The following PSIP1 variants were observed in gnomAD, a reference collection of about 807,000 sequenced individuals.
PSIP1 encodes PC4 and SRSF1 interacting protein 1.
PSIP1 carries 19 observed loss-of-function variants against 74.7 expected under a neutral mutation model. The observed-to-expected ratio is 0.25, with a 90% confidence interval of 0.18 to 0.37. PSIP1 has a LOEUF of 0.37. PSIP1 is among the 10% of genes least tolerant of loss of function. The probability of loss-of-function intolerance (pLI) is 1.00; values close to 1 mark genes in which losing one functional copy is unlikely to be tolerated. For synonymous variants in PSIP1, 222 were observed against 195.3 expected (o/e 1.14, Z -1.14); for missense variants, 601 against 614.3 (o/e 0.98, Z 0.23).
At chr9:15,497,224 G>C (rs934218904) in intron 3 of PSIP1, among the ~76,000 whole-genome samples, 1 of 151,524 alleles carries the variant, frequency 6.6e-6, no homozygotes, top group Non-Finnish European at 1.5e-5. Context: ...AAGTAGAGTA[G>C]TAATGTACTA....
chr9:15,465,634 GA>G, intron 15 of PSIP1, 54 bp from the exon 16 acceptor site: 9 of 1,398,476 alleles, frequency 6.4e-6, no homozygotes, highest in South Asian at 2.5e-5. Flanking sequence ...CCTGATGAAG[GA>G]AAAAAAGACA....
intron 3 of PSIP1, among the ~76,000 whole-genome samples, chr9:15,493,861 C>T (rs568696108): frequency 5.9e-5 from 9 of 152,112 alleles, no homozygotes; most frequent in African/African-American, 1.7e-4. Context: ...TATTACAATT[C>T]GAGGTGTAAT....
chr9:15,465,184 G>A lies in PSIP1; in HGVS notation c.*336C>T, dbSNP rs2035534699. The A allele has an allele frequency of 1.2e-5, 3 of 252,848 alleles. No individual in the cohort carries two copies. The highest frequency in any genetic ancestry group is 1.5e-5 in the Non-Finnish European group (2 of 131,878). 15.7% of individuals were successfully genotyped at this position (252,848 alleles called of 1,614,324 possible). A position where few individuals can be genotyped will look rare whatever the true frequency, so the allele number is the denominator to read the frequency against. The stretch of plus-strand genomic sequence containing the variant: ...GGGAAAAGAGGCAAGGTTTATACAA[G>A]TAGCAGTTTTAAAAATGTAACTTTG... On this transcript the variant is annotated 3_prime_UTR_variant, in exon 16 of 16. Transcript: ENST00000380733.
In PSIP1 at chr9:15,466,825, T is replaced by G; in HGVS notation, c.1455A>C (p.Gln485His). 1 of 1,613,504 alleles carries G rather than the reference T, an allele frequency of 6.2e-7. No homozygotes were observed. Among genetic ancestry groups the G allele is most frequent in the East Asian group, 2.2e-5 (1 of 44,834 alleles). Reference protein sequence around the residue: ...SKTLNGGSDAQDGNQPQHNGE... With the variant: ...SKTLNGGSDAHDGNQPQHNGE... ...CGTTATGTTGTGGCTGATTACCATC[T>G]TGAGCATCAGATCCTCCATTTAGAG... The change falls in exon 15 of 16, where the codon CAA (glutamine) becomes CAC (histidine). Residue 485 changes from glutamine to histidine, a missense_variant. Coordinates refer to ENST00000380733, the MANE Select transcript of PSIP1 (RefSeq NM_033222.5).
chr9:15,473,587 A>C (rs1261064583), intron 9 of PSIP1, among the ~76,000 whole-genome samples: 4 of 152,222 alleles, frequency 2.6e-5, no homozygotes, highest in Non-Finnish European at 5.9e-5. Flanking sequence ...CCAAAATATT[A>C]AAAGCTCTTA....
intron 3 of PSIP1, among the ~76,000 whole-genome samples, chr9:15,504,553 C>T (rs1219444992): frequency 6.6e-6 from 1 of 151,930 alleles, no homozygotes; most frequent in Non-Finnish European, 1.5e-5. Context: ...CTGGCTAACA[C>T]GGTGAAACCC....
At chr9:15,497,537 G>A (rs2037139510) in intron 3 of PSIP1, among the ~76,000 whole-genome samples, 2 of 151,986 alleles carry the variant, frequency 1.3e-5, no homozygotes, top group South Asian at 2.1e-4. Context: ...ATGTTGTCCA[G>A]GCTGGTCTCG....
intron 3 of PSIP1, among the ~76,000 whole-genome samples, chr9:15,500,993 C>T (rs2037316743): frequency 6.6e-6 from 1 of 152,074 alleles, no homozygotes; most frequent in East Asian, 1.9e-4. Context: ...TTTGCCAAAG[C>T]TGAACATTTT....
chr9:15,501,435 A>C (rs1447062785), intron 3 of PSIP1, among the ~76,000 whole-genome samples: 1 of 152,136 alleles, frequency 6.6e-6, no homozygotes, highest in Non-Finnish European at 1.5e-5. Flanking sequence ...TGGGGAAAAT[A>C]AACACGAGGA....
chr9:15,482,881 A>G (rs1363624800), intron 6 of PSIP1, among the ~76,000 whole-genome samples: 1 of 152,150 alleles, frequency 6.6e-6, no homozygotes, highest in African/African-American at 2.4e-5. Context: ...AATGGAGTTC[A>G]CCTGAAAGTA....
chr9:15,503,623 G>A (rs1563899406), intron 3 of PSIP1, among the ~76,000 whole-genome samples: 1 of 151,330 alleles, frequency 6.6e-6, no homozygotes, highest in South Asian at 2.1e-4. Flanking sequence ...GATCGCCGCT[G>A]TGTTCCATCC....
At chr9:15,475,286 TA>T (rs2036028918) in intron 8 of PSIP1, among the ~76,000 whole-genome samples, 1 of 152,178 alleles carries the variant, frequency 6.6e-6, no homozygotes. Context: ...TAAATGAAAG[TA>T]AAAGCATGCA....
intron 3 of PSIP1, 64 bp downstream of exon 3, chr9:15,506,497 T>C (rs1323413857): frequency 1.7e-6 from 2 of 1,147,932 alleles, no homozygotes; most frequent in Admixed American, 2.0e-5. Flanking sequence ...CTTGAATTAA[T>C]GTCTACTGCC....
chr9:15,509,005 G>A (rs2037727116), intron 2 of PSIP1, among the ~76,000 whole-genome samples: 2 of 152,306 alleles, frequency 1.3e-5, no homozygotes, highest in East Asian at 1.9e-4. Context: ...AGGAGTTTAC[G>A]TAGAGCAGCT....
At chr9:15,502,018 C>G (rs1209474311) in intron 3 of PSIP1, among the ~76,000 whole-genome samples, 1 of 152,012 alleles carries the variant, frequency 6.6e-6, no homozygotes, top group African/African-American at 2.4e-5. Context: ...TCAGTGGCAG[C>G]ATTAGATCCT....
chr9:15,502,952 C>T (rs1387649294), intron 3 of PSIP1, among the ~76,000 whole-genome samples: 1 of 152,220 alleles, frequency 6.6e-6, no homozygotes, highest in Non-Finnish European at 1.5e-5. Context: ...AAGAATTCTG[C>T]TCTAAATTAA....
chr9:15,472,803 C>T, intron 9 of PSIP1, 53 bp from the exon 10 acceptor site: 1 of 1,460,678 alleles, frequency 6.8e-7, no homozygotes, highest in Non-Finnish European at 9.2e-7. Flanking sequence ...GTGACTAGTG[C>T]TTATGGAATT....
chr9:15,488,144 G>A (rs746532489), intron 4 of PSIP1, among the ~76,000 whole-genome samples: 2 of 150,578 alleles, frequency 1.3e-5, no homozygotes, highest in Non-Finnish European at 2.9e-5. Flanking sequence ...GCCTGGCCAA[G>A]ATGGTGAAAC....
chr9:15,486,235 G>T (rs2036552665), intron 5 of PSIP1, among the ~76,000 whole-genome samples, 167 bp from the exon 6 acceptor site: 1 of 152,192 alleles, frequency 6.6e-6, no homozygotes, highest in South Asian at 2.1e-4. Flanking sequence ...ATTATAAAGT[G>T]AGAAAAATGC....
Sources: allele counts gnomAD v4.1 joint callset (sites outside exome capture counted in the v4.1 genomes callset), GRCh38; gene constraint gnomAD v4.1.1; transcripts MANE v1.5; gene names NCBI Gene and HGNC (gene_info 2026-07-23, HGNC 2026-07-21).